RMDN1: variants seen among roughly 807,000 people sequenced by gnomAD.
RMDN1 encodes the protein regulator of microtubule dynamics protein 1.
A neutral mutation model predicts 48.9 loss-of-function variants in RMDN1; 48 were observed. That is an observed-to-expected ratio of 0.98 (90% CI 0.78 to 1.25). The LOEUF is 1.25. Among genes scored for constraint, RMDN1 ranks in the 50% most tolerant of loss-of-function variants. RMDN1 has a pLI of 0.00. For synonymous variants in RMDN1, 148 were observed against 132.6 expected, an observed-to-expected ratio of 1.12 and a Z score of -0.80; for missense variants, 418 against 373.4, an observed-to-expected ratio of 1.12 and a Z score of -0.98.
At chr8:86,479,561 GCTAT>G (rs1213829247) in intron 6 of RMDN1, among the ~76,000 whole-genome samples, 1 of 152,142 alleles carries the variant, frequency 6.6e-6, no homozygotes, top group Non-Finnish European at 1.5e-5. Flanking sequence ...GGCAGAAATT[GCTAT>G]TTCATTTGGG....
At chr8:86,507,744 T>C (rs1819619670) in intron 1 of RMDN1, among the ~76,000 whole-genome samples, 1 of 152,064 alleles carries the variant, frequency 6.6e-6, no homozygotes, top group Admixed American at 6.6e-5. Context: ...ATCTATAACC[T>C]CCCCATTTGG....
At chr8:86,491,147 T>C (rs1563625690) in intron 2 of RMDN1, among the ~76,000 whole-genome samples, 1 of 151,868 alleles carries the variant, frequency 6.6e-6, no homozygotes, top group Non-Finnish European at 1.5e-5. Context: ...TATTTATTTA[T>C]TTATTTGAGA....
Position 86,474,854 on chromosome 8 carries a change from T to C in RMDN1, c.860A>G (p.Lys287Arg). ...CTCCTCTGTGTGTGCTGGATAGTCC[T>C]TGGCTTTCATTAGCCAGAAAGCAGC... ...KLAAFWLMKA[K>R]DYPAHTEEDK... The change falls in exon 9 of 10, where the codon AAG (lysine) becomes AGG (arginine). Residue 287 changes from lysine to arginine, a missense_variant. Transcript: ENST00000406452. 1 of 1,613,022 alleles carries C rather than the reference T, an allele frequency of 6.2e-7. No homozygotes were observed. The highest frequency in any genetic ancestry group is 2.2e-5 in the East Asian group (1 of 44,840).
chr8:86,492,595 G>A (rs1436229904), intron 2 of RMDN1, among the ~76,000 whole-genome samples: 1 of 151,844 alleles, frequency 6.6e-6, no homozygotes, highest in Non-Finnish European at 1.5e-5. Flanking sequence ...AGAAGTTGCA[G>A]TGAAATGAGA....
intron 2 of RMDN1, among the ~76,000 whole-genome samples, chr8:86,493,190 G>T (rs1015643385): frequency 3.3e-5 from 5 of 151,982 alleles, no homozygotes; most frequent in African/African-American, 1.2e-4. Context: ...TAAACATGCC[G>T]AGCAACTAAT....
chr8:86,511,929 G>T (rs868463977), upstream of RMDN1, among the ~76,000 whole-genome samples: 12 of 151,940 alleles, frequency 7.9e-5, no homozygotes, highest in Admixed American at 5.2e-4. Flanking sequence ...ATAGGAGAAA[G>T]AATATTTTGT....
In RMDN1 at chr8:86,472,625, A is replaced by G; in HGVS notation, c.*1683T>C. The G allele has an allele frequency of 1.7e-6, 1 of 588,324 alleles. No individual in the cohort carries two copies. Among genetic ancestry groups the G allele is most frequent in the Non-Finnish European group, 3.0e-6 (1 of 333,882 alleles). The allele number at this position is 588,324 out of a possible 1,614,324, so 36.4% of individuals were successfully genotyped here. A position where few individuals can be genotyped will look rare whatever the true frequency, so the allele number is the denominator to read the frequency against. On this transcript the variant is annotated 3_prime_UTR_variant, in exon 10 of 10. Transcript: ENST00000406452. Reference sequence around the variant, plus strand: ...ACTGTTGCCTAGCTACCCTGACCACATTATTTTTTCACTGTATCAGTGGTG... The same window carrying G: ...ACTGTTGCCTAGCTACCCTGACCACGTTATTTTTTCACTGTATCAGTGGTG...
chr8:86,488,778 G>C, intron 2 of RMDN1, 139 bp from the exon 3 acceptor site: 1 of 472,786 alleles, frequency 2.1e-6, no homozygotes, highest in Non-Finnish European at 3.7e-6. Flanking sequence ...TGAAACAGCA[G>C]AAATTAGGAA....
At chr8:86,475,415 G>A (rs933623873) in intron 8 of RMDN1, among the ~76,000 whole-genome samples, 3 of 152,048 alleles carry the variant, frequency 2.0e-5, no homozygotes, top group Non-Finnish European at 4.4e-5. Context: ...AACATTTACT[G>A]GATGTCAGCT....
At chr8:86,476,883 T>C (rs1339821098) in intron 8 of RMDN1, among the ~76,000 whole-genome samples, 1 of 152,076 alleles carries the variant, frequency 6.6e-6, no homozygotes, top group Non-Finnish European at 1.5e-5. Flanking sequence ...TATTTTTTGG[T>C]AGAGATGAGG....
intron 1 of RMDN1, chr8:86,514,100 C>T: frequency 4.0e-6 from 1 of 251,624 alleles, no homozygotes; most frequent in Non-Finnish European, 6.3e-6. Flanking sequence ...GCCATCCTCC[C>T]ACCTCTGCCT....
upstream of RMDN1, among the ~76,000 whole-genome samples, chr8:86,513,508 T>A (rs1257216088): frequency 1.3e-5 from 2 of 152,254 alleles, no homozygotes; most frequent in African/African-American, 4.8e-5. Flanking sequence ...TATCGAGCAG[T>A]CATGTATCAA....
rs1445608710 is a variant in RMDN1, at chr8:86,503,367, AAAACAAAAAAAAAAAAAAAAAAC to A, written c.247+3605_247+3627del. Among the ~76,000 whole-genome samples the A allele has an allele frequency of 2.2e-3, 164 of 73,476 alleles. 1 individual carries two copies. Among genetic ancestry groups the A allele is most frequent in the Middle Eastern group, 0.01 (2 of 196 alleles). 48.2% of individuals were successfully genotyped at this position (73,476 alleles called of 152,430 possible). On this transcript the variant is annotated intron_variant, in intron 2 of 9. Transcript: ENST00000406452. ...ACTCCGTCTCAAAACAAAACAAAAC[AAAACAAAAAAAAAAAAAAAAAAC>A]AAAAAAAAATAACAAAAATAACTTG...
In RMDN1 at chr8:86,474,126, T is replaced by C. The variant is rs1812963272; in HGVS notation, c.*182A>G. 7.4e-7 allele frequency: 1 copy of C among 1,348,310 alleles called. No individual in the cohort carries two copies. The allele number at this position is 1,348,310 out of a possible 1,614,324, so 83.5% of individuals were successfully genotyped here. On this transcript the variant is annotated 3_prime_UTR_variant, in exon 10 of 10. Coordinates refer to ENST00000406452, the MANE Select transcript of RMDN1 (RefSeq NM_016033.3). The stretch of plus-strand genomic sequence containing the variant: ...CATGGAGATTTATTTCTACCACTCT[T>C]ATGGCGATTATTTATTTTACCCTAT...
intron 2 of RMDN1, among the ~76,000 whole-genome samples, chr8:86,491,591 G>C (rs1468251266): frequency 1.3e-5 from 2 of 152,008 alleles, no homozygotes; most frequent in Admixed American, 1.3e-4. Flanking sequence ...CTAACATAGA[G>C]ACCATATTCT....
chr8:86,509,694 A>T (rs961509806), upstream of RMDN1, among the ~76,000 whole-genome samples: 1 of 152,168 alleles, frequency 6.6e-6, no homozygotes, highest in African/African-American at 2.4e-5. Flanking sequence ...AGATGTATTA[A>T]CCTAACCAAG....
At chr8:86,491,367 C>G (rs1416382305) in intron 2 of RMDN1, among the ~76,000 whole-genome samples, 3 of 151,978 alleles carry the variant, frequency 2.0e-5, no homozygotes, top group Admixed American at 6.5e-5. Context: ...ATGTCTTGAC[C>G]TCGTGGTCTG....
chr8:86,470,520 T>G, downstream of RMDN1: 1 of 909,164 alleles, frequency 1.1e-6, no homozygotes, highest in Non-Finnish European at 1.5e-6. Context: ...AAAATGAAGA[T>G]AAAAGGACCC....
chr8:86,504,203 A>G lies in RMDN1; in HGVS notation c.247+2792T>C, dbSNP rs780619360. On this transcript the variant is annotated intron_variant, in intron 2 of 9. Transcript: ENST00000406452. ...AGTGCAGCCCTTCCATTTTGCCCTG[A>G]AAGTCCCAGGTTTTTGCTCATTAAC... 2.6e-6 allele frequency: 4 copies of G among 1,543,452 alleles called. No homozygotes were observed. The African/African-American group carries it at 4.1e-5, about 16-fold the overall frequency.
Sources: allele counts gnomAD v4.1 joint callset (sites outside exome capture counted in the v4.1 genomes callset), GRCh38; gene constraint gnomAD v4.1.1; transcripts MANE v1.5; gene names NCBI Gene and HGNC (gene_info 2026-07-23, HGNC 2026-07-21).